The following IL33 variants were observed in gnomAD, a reference collection of about 807,000 sequenced individuals.
IL33 encodes interleukin-33.
A neutral mutation model predicts 27.3 loss-of-function variants in IL33; 37 were observed. The ratio of observed to expected loss-of-function variants is 1.36; its 90% CI spans 1.04 to 1.78. The LOEUF (loss-of-function observed/expected upper bound fraction) is 1.78. Among genes scored for constraint, IL33 ranks in the 40% most tolerant of loss-of-function variants. The probability of loss-of-function intolerance (pLI) is 0.00; values close to 1 mark genes in which losing one functional copy is unlikely to be tolerated. For synonymous variants in IL33, 132 were observed against 102.9 expected, an observed-to-expected ratio of 1.28 and a Z score of -1.71; for missense variants, 406 against 311.4, an observed-to-expected ratio of 1.30 and a Z score of -2.29.
At chr9:6,235,612 C>A (rs1819156611) in intron 1 of IL33, among the ~76,000 whole-genome samples, 1 of 152,046 alleles carries the variant, frequency 6.6e-6, no homozygotes, top group Admixed American at 6.6e-5. Flanking sequence ...AAAGTTGTAA[C>A]ACAAATCACA....
chr9:6,245,029 G>A (rs180969378), intron 2 of IL33, among the ~76,000 whole-genome samples: 17 of 152,144 alleles, frequency 1.1e-4, no homozygotes, highest in East Asian at 5.8e-4. Context: ...TCCCTTCCCC[G>A]TTTCCAGGAA....
intron 5 of IL33, 131 bp from the exon 6 acceptor site, chr9:6,253,421 A>G: frequency 3.4e-6 from 2 of 593,398 alleles, no homozygotes; most frequent in Non-Finnish European, 5.8e-6. Flanking sequence ...CCTTTCTCAA[A>G]ACCACAAAAG....
At chr9:6,222,334 C>T (rs1420905459) in intron 1 of IL33, among the ~76,000 whole-genome samples, 1 of 152,128 alleles carries the variant, frequency 6.6e-6, no homozygotes, top group Non-Finnish European at 1.5e-5. Context: ...AGGTGATATT[C>T]AAAATATTTA....
At chr9:6,241,179 A>G (rs1428556541) in intron 1 of IL33, among the ~76,000 whole-genome samples, 3 of 152,178 alleles carry the variant, frequency 2.0e-5, no homozygotes, top group African/African-American at 7.2e-5. Context: ...GCTGCTTTAC[A>G]ATTAACTTGT....
rs1025577127 is a variant in IL33 at position 6,217,974 on chromosome 9, C to T, written c.-12+2122C>T. ...CTGTTTCCAACAGTCTTACTTATTG[C>T]TTCTCAAATTTGTCTTTTGAATACT... is the stretch of plus-strand genomic sequence containing the variant. On this transcript the variant is annotated intron_variant, in intron 1 of 7. Transcript: ENST00000682010. Among the ~76,000 whole-genome samples, 16 of 146,892 alleles carry T rather than the reference C, an allele frequency of 1.1e-4. 2 individuals are homozygous for T. The highest frequency in any genetic ancestry group is 2.3e-4 in the Non-Finnish European group (15 of 64,630).
Position 6,250,365 on chromosome 9 carries a change from TAAG to T in IL33, c.92-107_92-105del, listed in dbSNP as rs907255224. The T allele has an allele frequency of 2.4e-6, 3 of 1,262,894 alleles. No individual in the cohort carries two copies. In the African/African-American group the frequency reaches 4.5e-5, roughly 19 times the overall value. The allele number at this position is 1,262,894 out of a possible 1,614,324, so 78.2% of individuals were successfully genotyped here. ...ACACAGCTGAGTTAAGGATTTCTGA[TAAG>T]ATACTGTGAACCTGTACTTGCTTTC... On this transcript the variant is annotated intron_variant, in intron 2 of 7. Coordinates refer to ENST00000682010, the MANE Select transcript of IL33 (RefSeq NM_033439.4).
chr9:6,256,192 G>C lies in IL33; in HGVS notation c.*24G>C, dbSNP rs1437013937. The C allele has an allele frequency of 4.5e-6, 7 of 1,558,042 alleles. No homozygotes were observed. Among genetic ancestry groups the C allele is most frequent in the Non-Finnish European group, 6.2e-6 (7 of 1,130,754 alleles). ...AGTTGATGGAAACCTGTGAGTCTTG[G>C]GTTGAGTACCCAAATGCTACCACTG... On this transcript the variant is annotated 3_prime_UTR_variant, in exon 8 of 8. Coordinates refer to ENST00000682010, the MANE Select transcript of IL33 (RefSeq NM_033439.4).
intron 2 of IL33, among the ~76,000 whole-genome samples, chr9:6,243,238 G>A (rs1819634061): frequency 6.6e-6 from 1 of 152,214 alleles, no homozygotes; most frequent in South Asian, 2.1e-4. Flanking sequence ...CTCAGAGTTT[G>A]TAGTAAGACA....
At chr9:6,216,080 G>C (rs752180720) in intron 1 of IL33, among the ~76,000 whole-genome samples, 1 of 152,150 alleles carries the variant, frequency 6.6e-6, no homozygotes, top group Admixed American at 6.5e-5. Context: ...GAAAGAGATT[G>C]TAATAGTTTT....
At chr9:6,246,393 C>A (rs1303652183) in intron 2 of IL33, among the ~76,000 whole-genome samples, 1 of 151,940 alleles carries the variant, frequency 6.6e-6, no homozygotes, top group East Asian at 1.9e-4. Flanking sequence ...GAAACCCCGT[C>A]TCTACTAAAA....
upstream of IL33, among the ~76,000 whole-genome samples, chr9:6,215,527 C>G (rs75922822): frequency 6.6e-6 from 1 of 152,156 alleles, no homozygotes. Context: ...TCAAAATGGA[C>G]AGTGCTGAAG....
chr9:6,245,912 A>T (rs1286908468), intron 2 of IL33, among the ~76,000 whole-genome samples: 1 of 151,336 alleles, frequency 6.6e-6, no homozygotes, highest in African/African-American at 2.4e-5. Flanking sequence ...AAATACAAAA[A>T]ATTGCCTGGG....
Position 6,219,549 on chromosome 9 carries a change from G to C in IL33, c.-12+3697G>C, listed in dbSNP as rs1818324895. On this transcript the variant is annotated intron_variant, in intron 1 of 7. Transcript: ENST00000682010. ...GTAAAGACACAAATTTTTAGAGGCA[G>C]TCAGGCCTCCAGTCCATCATCCATC... Among the ~76,000 whole-genome samples the C allele has an allele frequency of 2.0e-5, 3 of 152,150 alleles. No individual in the cohort carries two copies. The South Asian group carries it at 6.2e-4, about 32-fold the overall frequency.
intron 1 of IL33, among the ~76,000 whole-genome samples, chr9:6,220,794 C>T (rs1168664675): frequency 1.3e-5 from 2 of 152,076 alleles, no homozygotes; most frequent in African/African-American, 4.8e-5. Flanking sequence ...GAGTCTGTCA[C>T]CCAAGCTGGA....
chr9:6,230,192 A>G (rs1297703162), intron 1 of IL33, among the ~76,000 whole-genome samples: 1 of 151,946 alleles, frequency 6.6e-6, no homozygotes, highest in Non-Finnish European at 1.5e-5. Flanking sequence ...AGTGATAAGT[A>G]CTGTTTACCT....
intron 1 of IL33, among the ~76,000 whole-genome samples, chr9:6,224,108 T>C (rs1262029412): frequency 6.6e-6 from 1 of 152,174 alleles, no homozygotes; most frequent in African/African-American, 2.4e-5. Flanking sequence ...TTTCCCTATT[T>C]ATATAAGCAC....
intron 1 of IL33, among the ~76,000 whole-genome samples, chr9:6,219,060 A>G (rs1381826728): frequency 6.6e-6 from 1 of 150,948 alleles, no homozygotes. Context: ...AATTTTGGCA[A>G]ACATGGTGGA....
rs138015353 is a variant in IL33, at chr9:6,217,167, C to G, written c.-12+1315C>G. ...GAGCCACAGAGTAGTCACTGGTCAT[C>G]AGAAATGCAAAAGCCTGAACAGACA... On this transcript the variant is annotated intron_variant, in intron 1 of 7. Transcript: ENST00000682010. Among the ~76,000 whole-genome samples the G allele has an allele frequency of 1.2e-3, 189 of 152,084 alleles. 2 individuals carry two copies. Among genetic ancestry groups the G allele is most frequent in the African/African-American group, 4.3e-3 (179 of 41,488 alleles).
At chr9:6,245,302 C>G (rs535345785) in intron 2 of IL33, among the ~76,000 whole-genome samples, 1 of 152,222 alleles carries the variant, frequency 6.6e-6, no homozygotes, top group African/African-American at 2.4e-5. Flanking sequence ...TATAGTTTCT[C>G]TAAAAAAATC....
Sources: gnomAD v4.1 joint callset for allele counts (sites outside exome capture counted in the v4.1 genomes callset) on GRCh38, gnomAD v4.1.1 for gene constraint, MANE v1.5 for transcripts, NCBI Gene and HGNC (gene_info 2026-07-23, HGNC 2026-07-21) for gene names.